Variants in PCDH15 observed in about 807,000 individuals in gnomAD.
PCDH15 encodes protocadherin related 15.
A neutral mutation model predicts 178.5 loss-of-function variants in PCDH15; 129 were observed. That is an observed-to-expected ratio of 0.72 (90% CI 0.63 to 0.84). The LOEUF is 0.84. Among genes scored for constraint, PCDH15 ranks in the 40% least tolerant of loss-of-function variants. The probability of loss-of-function intolerance (pLI) is 0.00; values close to 1 mark genes in which losing one functional copy is unlikely to be tolerated. For synonymous variants in PCDH15, 800 were observed against 732.0 expected, an observed-to-expected ratio of 1.09 and a Z score of -1.50; for missense variants, 2,230 against 2,099.9, an observed-to-expected ratio of 1.06 and a Z score of -1.21.
chr10:54,522,563 T>C (rs545309092), intron 3 of PCDH15, among the ~76,000 whole-genome samples: 1 of 152,334 alleles, frequency 6.6e-6, no homozygotes, highest in African/African-American at 2.4e-5. Flanking sequence ...CATCACTGCC[T>C]CCTCAGTTGT....
intron 18 of PCDH15, among the ~76,000 whole-genome samples, chr10:54,043,742 C>T (rs948339218): frequency 1.3e-5 from 2 of 152,020 alleles, no homozygotes; most frequent in African/African-American, 4.8e-5. Context: ...TCTTCCACAC[C>T]AGTATTGGTA....
intron 2 of PCDH15, among the ~76,000 whole-genome samples, chr10:55,525,961 T>A (rs1207963230): frequency 6.6e-6 from 1 of 151,938 alleles, no homozygotes; most frequent in Admixed American, 6.6e-5. Flanking sequence ...GAGAAGACTC[T>A]ATTTCATGAA....
At chr10:54,815,681 C>T (rs962629877) in intron 3 of PCDH15, among the ~76,000 whole-genome samples, 5 of 151,848 alleles carry the variant, frequency 3.3e-5, no homozygotes, top group African/African-American at 7.3e-5. Flanking sequence ...CTAGTGATGC[C>T]GACAGTACTC....
intron 2 of PCDH15, among the ~76,000 whole-genome samples, chr10:54,903,979 T>C (rs1010378810): frequency 3.3e-5 from 5 of 152,062 alleles, no homozygotes; most frequent in African/African-American, 1.2e-4. Context: ...ATATTATTAC[T>C]ATTATGGCAC....
At chr10:55,337,663 G>A (rs1465834843) in intron 2 of PCDH15, among the ~76,000 whole-genome samples, 1 of 152,120 alleles carries the variant, frequency 6.6e-6, no homozygotes, top group Non-Finnish European at 1.5e-5. Flanking sequence ...TTTCATATCA[G>A]TCTCCACATG....
intron 2 of PCDH15, among the ~76,000 whole-genome samples, chr10:55,339,040 CAGTT>C (rs1395594261): frequency 6.6e-6 from 1 of 151,998 alleles, no homozygotes; most frequent in African/African-American, 2.4e-5. Context: ...TACAAAAACA[CAGTT>C]AGATAGCATG....
At chr10:54,393,009 A>C (rs1950750926) in intron 3 of PCDH15, among the ~76,000 whole-genome samples, 2 of 152,288 alleles carry the variant, frequency 1.3e-5, no homozygotes, top group South Asian at 4.1e-4. Flanking sequence ...ATATGTGATT[A>C]AAATTTTAAA....
intron 3 of PCDH15, among the ~76,000 whole-genome samples, chr10:54,834,426 G>A (rs1305823295): frequency 6.6e-6 from 1 of 151,870 alleles, no homozygotes; most frequent in Non-Finnish European, 1.5e-5. Context: ...TGATTCGCCC[G>A]CCTCAGCCTC....
chr10:53,871,340 C>G (rs2133215067), intron 26 of PCDH15, among the ~76,000 whole-genome samples: 1 of 151,560 alleles, frequency 6.6e-6, no homozygotes, highest in East Asian at 2.0e-4. Flanking sequence ...GACGTCGTCT[C>G]AAAAAAACAA....
In PCDH15 at chr10:54,587,370, C is replaced by T. The variant is rs200185160; in HGVS notation, c.92-59493G>A. On this transcript the variant is annotated intron_variant, in intron 2 of 37. Transcript: ENST00000644397. ...GTGAAAATGGAGCTACAGCAAAATCCCTGTGGGAATATTGACACTGCTGCC... is the reference window on the plus strand; with the variant it reads ...GTGAAAATGGAGCTACAGCAAAATCTCTGTGGGAATATTGACACTGCTGCC... 3.3e-5 allele frequency among the ~76,000 whole-genome samples: 5 copies of T among 151,944 alleles called. No homozygotes were observed. The South Asian group carries it at 6.2e-4, about 19-fold the overall frequency.
chr10:53,849,176 C>T (rs2078178600), intron 28 of PCDH15, among the ~76,000 whole-genome samples: 1 of 152,002 alleles, frequency 6.6e-6, no homozygotes, highest in African/African-American at 2.4e-5. Flanking sequence ...TGACAAAATA[C>T]ACCACCTAAA....
chr10:55,460,279 T>TATCA (rs1839645914), intron 2 of PCDH15, among the ~76,000 whole-genome samples: 2 of 151,938 alleles, frequency 1.3e-5, no homozygotes, highest in South Asian at 4.1e-4. Context: ...CTTATATTAT[T>TATCA]ATCATGTGTA....
At chr10:54,492,800 A>G (rs1476395326) in intron 3 of PCDH15, among the ~76,000 whole-genome samples, 11 of 152,140 alleles carry the variant, frequency 7.2e-5, no homozygotes, top group Admixed American at 7.2e-4. Flanking sequence ...CCTTTAATTT[A>G]TAAATTAAAC....
chr10:55,550,997 G>C (rs1005529384), intron 2 of PCDH15, among the ~76,000 whole-genome samples: 3 of 151,892 alleles, frequency 2.0e-5, no homozygotes, highest in Non-Finnish European at 2.9e-5. Context: ...ATAATGTCTA[G>C]GCATACTTTG....
chr10:55,068,543 T>C (rs1841627304), intron 2 of PCDH15, among the ~76,000 whole-genome samples: 1 of 152,138 alleles, frequency 6.6e-6, no homozygotes, highest in South Asian at 2.1e-4. Context: ...TTCAGCTTTG[T>C]TTTATTTTGC....
chr10:54,993,680 A>T (rs1839567410), intron 2 of PCDH15, among the ~76,000 whole-genome samples: 2 of 152,164 alleles, frequency 1.3e-5, no homozygotes, highest in African/African-American at 4.8e-5. Context: ...GTGAAAAAAC[A>T]CAAGTGAGGT....
At chr10:54,118,460 A>C (rs1436649480) in intron 15 of PCDH15, among the ~76,000 whole-genome samples, 1 of 152,130 alleles carries the variant, frequency 6.6e-6, no homozygotes, top group Non-Finnish European at 1.5e-5. Flanking sequence ...GGAGATGGAG[A>C]CCGTCCTGGC....
rs1413398605 is a variant in PCDH15, at chr10:55,154,224, CTT to C, written c.-80+12350_-80+12351del. On this transcript the variant is annotated intron_variant, in intron 2 of 5. Transcript: ENST00000458638. ...ATGTAAAAAGAAAATATGAATTCAT[CTT>C]TTACAGTGTTAGCATCTTATATATT... is the stretch of plus-strand genomic sequence containing the variant. Among the ~76,000 whole-genome samples the C allele has an allele frequency of 9.9e-5, 15 of 152,104 alleles. No homozygotes were observed. The East Asian group carries it at 2.9e-3, about 29-fold the overall frequency.
At chr10:54,167,981 C>G (rs560825794) in intron 13 of PCDH15, among the ~76,000 whole-genome samples, 13 of 151,346 alleles carry the variant, frequency 8.6e-5, no homozygotes, top group African/African-American at 2.9e-4. Flanking sequence ...CCTACTCTCT[C>G]TTTTCTCTAG....
Sources: allele counts gnomAD v4.1 joint callset (sites outside exome capture counted in the v4.1 genomes callset), GRCh38; gene constraint gnomAD v4.1.1; transcripts MANE v1.5; gene names NCBI Gene and HGNC (gene_info 2026-07-23, HGNC 2026-07-21).